The following AEBP2 variants were observed in gnomAD, a reference collection of about 807,000 sequenced individuals.
The protein encoded by AEBP2 is zinc finger protein AEBP2.
Under a neutral mutation model 50.8 loss-of-function variants are expected in AEBP2, and 10 were observed. The ratio of observed to expected loss-of-function variants is 0.20; its 90% confidence interval spans 0.12 to 0.33. AEBP2 has a LOEUF of 0.33. Among genes scored for constraint, AEBP2 ranks in the 10% least tolerant of loss-of-function variants. AEBP2 has a pLI of 1.00. For synonymous variants in AEBP2, 296 were observed against 261.3 expected (o/e 1.13, Z -1.28); for missense variants, 570 against 688.0 (o/e 0.83, Z 1.92).
At chr12:19,506,709 G>C (rs150229227) in intron 5 of AEBP2, among the ~76,000 whole-genome samples, 132 of 152,260 alleles carry the variant, frequency 8.7e-4, no homozygotes, top group African/African-American at 3.0e-3. Context: ...AGAAAGTCAG[G>C]GGTGAGAGTA....
intron 1 of AEBP2, among the ~76,000 whole-genome samples, chr12:19,457,850 C>A (rs544016912): frequency 1.3e-5 from 2 of 152,286 alleles, no homozygotes; most frequent in African/African-American, 4.8e-5. Context: ...GTTAATAATA[C>A]TGAATGCAGA....
rs1455641183 is a variant in AEBP2 at position 19,439,722 on chromosome 12, T to C, written c.23T>C (p.Met8Thr). ...GCCATGGCCGCCGCTATCACCGACA[T>C]GGCCGACCTGGAGGAGCTCTCCCGC... is the stretch of plus-strand genomic sequence containing the variant. MAAAITD[M>T]ADLEELSRLS... is the part of the protein sequence containing the mutation. Residue 8 changes from methionine to threonine, a missense_variant, in exon 1 of 8, where the codon ATG (methionine) becomes ACG (threonine). Met to Thr is a moderately conservative substitution (Grantham distance 81). Around this residue, in one of 2 missense-constraint regions of AEBP2, gnomAD observed 386 missense variants for 336.8 expected, o/e 1.15. Coordinates refer to ENST00000266508, the MANE Select transcript of AEBP2 (RefSeq NM_153207.5). 2.0e-6 allele frequency: 3 copies of C among 1,513,080 alleles called. No homozygotes were observed. The highest frequency in any genetic ancestry group is 1.2e-5 in the South Asian group (1 of 83,144). 93.7% of individuals were successfully genotyped at this position (1,513,080 alleles called of 1,614,324 possible).
intron 3 of AEBP2, among the ~76,000 whole-genome samples, chr12:19,476,338 G>A (rs75068435): frequency 0.067 from 10,233 of 151,974 alleles, 535 homozygotes; most frequent in East Asian, 0.16. Context: ...CCCACTTTAT[G>A]GTTTTTAGTT....
chr12:19,436,579 T>G (rs1297293363), upstream of AEBP2, among the ~76,000 whole-genome samples: 1 of 66,976 alleles, frequency 1.5e-5, no homozygotes, highest in African/African-American at 7.1e-5. Context: ...TGTTTTCTTT[T>G]CTTTTTTCTT....
chr12:19,449,985 T>C (rs1948138810), intron 1 of AEBP2, among the ~76,000 whole-genome samples: 1 of 152,170 alleles, frequency 6.6e-6, no homozygotes, highest in African/African-American at 2.4e-5. Context: ...AAGAAGGGCC[T>C]TAGGGAAATT....
At chr12:19,486,463 C>T (rs919673407) in intron 3 of AEBP2, among the ~76,000 whole-genome samples, 13 of 151,996 alleles carry the variant, frequency 8.6e-5, no homozygotes, top group African/African-American at 2.2e-4. Flanking sequence ...CTGATCTCTA[C>T]GCACTGCAGC....
rs1163340156 is a variant in AEBP2 at position 19,518,334 on chromosome 12, CCA to C, written c.*220_*221del. On this transcript the variant is annotated 3_prime_UTR_variant, in exon 8 of 8. Coordinates refer to ENST00000266508, the MANE Select transcript of AEBP2 (RefSeq NM_153207.5). ...AATATATTAATATATTACTGTATAT[CCA>C]CATTTTCATGGAATGGTACTGTGGG... is the stretch of plus-strand genomic sequence containing the variant. 8.0e-7 allele frequency: 1 copy of C among 1,247,842 alleles called. No homozygotes were observed. Among genetic ancestry groups the C allele is most frequent in the Non-Finnish European group, 1.0e-6 (1 of 996,402 alleles). 77.3% of individuals were successfully genotyped at this position (1,247,842 alleles called of 1,614,324 possible). A position where few individuals can be genotyped will look rare whatever the true frequency, so the allele number is the denominator to read the frequency against.
rs551974857 is a variant in AEBP2, at chr12:19,429,512, C to A, written c.-17+25296C>A. ...ATACCCAGTAATGGGATGGCTGGGT[C>A]AAATGGTATTTCTAGTTCTAGATCC... On this transcript the variant is annotated intron_variant, in intron 1 of 3. Transcript: ENST00000538425. Among the ~76,000 whole-genome samples the A allele has an allele frequency of 3.8e-3, 586 of 152,294 alleles. 4 individuals are homozygous for A. Among genetic ancestry groups the A allele is most frequent in the African/African-American group, 0.013 (559 of 41,576 alleles).
At chr12:19,456,341 C>A in intron 1 of AEBP2, 1 of 1,410,736 alleles carries the variant, frequency 7.1e-7, no homozygotes, top group Non-Finnish European at 9.9e-7. Flanking sequence ...CTGCAACTGT[C>A]TGTCTCATAT....
At chr12:19,447,653 G>GC (rs1202795747) in intron 1 of AEBP2, among the ~76,000 whole-genome samples, 11 of 149,918 alleles carry the variant, frequency 7.3e-5, no homozygotes, top group African/African-American at 2.7e-4. Flanking sequence ...GAGATGACAT[G>GC]CAAAGGGGTT....
chr12:19,431,304 C>G (rs892949484), intron 1 of AEBP2, among the ~76,000 whole-genome samples: 6 of 152,168 alleles, frequency 3.9e-5, no homozygotes, highest in African/African-American at 9.7e-5. Context: ...TTCTACCCTA[C>G]CTTCCCAGGG....
At chr12:19,477,417 A>G (rs937239837) in intron 3 of AEBP2, among the ~76,000 whole-genome samples, 8 of 152,172 alleles carry the variant, frequency 5.3e-5, no homozygotes, top group African/African-American at 1.9e-4. Context: ...TTCCCCGTTC[A>G]GTAGAATATG....
At chr12:19,405,598 A>G (rs1338939098) in intron 1 of AEBP2, among the ~76,000 whole-genome samples, 1 of 152,130 alleles carries the variant, frequency 6.6e-6, no homozygotes, top group African/African-American at 2.4e-5. Context: ...TCCTGGGATT[A>G]CAGGCGTGAT....
intron 3 of AEBP2, among the ~76,000 whole-genome samples, chr12:19,478,125 GA>G (rs1948677306): frequency 6.6e-6 from 1 of 152,116 alleles, no homozygotes; most frequent in Non-Finnish European, 1.5e-5. Flanking sequence ...TCTTTTCAAA[GA>G]ACCAGCTTGT....
intron 5 of AEBP2, 46 bp downstream of exon 5, chr12:19,500,267 A>T: frequency 7.3e-7 from 1 of 1,365,450 alleles, no homozygotes; most frequent in Non-Finnish European, 9.7e-7. Flanking sequence ...AACTTTGCAA[A>T]AAAATATTTC....
At chr12:19,488,453 G>T (rs12423803) in intron 3 of AEBP2, among the ~76,000 whole-genome samples, 1 of 152,032 alleles carries the variant, frequency 6.6e-6, no homozygotes, top group Non-Finnish European at 1.5e-5. Context: ...TGTGGTCATG[G>T]TCAGTGGCAG....
chr12:19,470,586 G>A (rs1948555962), intron 2 of AEBP2, among the ~76,000 whole-genome samples: 2 of 152,084 alleles, frequency 1.3e-5, no homozygotes, highest in Admixed American at 1.3e-4. Context: ...GAATCTGAAG[G>A]TGTTGCCTTA....
At chr12:19,425,534 G>C (rs556858899) in intron 1 of AEBP2, among the ~76,000 whole-genome samples, 10 of 152,198 alleles carry the variant, frequency 6.6e-5, no homozygotes, top group African/African-American at 2.4e-4. Context: ...GGGAAGGCAA[G>C]CTGGGTGGAT....
At position 19,439,666 on chromosome 12, in the gene AEBP2, G is replaced by GGGTA. The variant is rs1555180765; in HGVS notation, c.-32_-31insTAGG. 3 of 1,451,438 alleles carry GGGTA rather than the reference G, an allele frequency of 2.1e-6. No individual in the cohort carries two copies. In the African/African-American group the frequency reaches 4.5e-5, roughly 22 times the overall value. 89.9% of individuals were successfully genotyped at this position (1,451,438 alleles called of 1,614,324 possible). ...GAGTCGAGAGAGGGAGGCGGCGGTGGGGAGGAGGAGGAGGAGGAGGAGCAG... is the reference window on the plus strand; with the variant it reads ...GAGTCGAGAGAGGGAGGCGGCGGTGGGGTAGGAGGAGGAGGAGGAGGAGGAGCAG... On this transcript the variant is annotated 5_prime_UTR_variant, in exon 1 of 8. Coordinates refer to ENST00000266508, the MANE Select transcript of AEBP2 (RefSeq NM_153207.5).
Sources: allele counts gnomAD v4.1 joint callset (sites outside exome capture counted in the v4.1 genomes callset), GRCh38; gene constraint gnomAD v4.1.1; regional missense constraint gnomAD v4.1.1; transcripts MANE v1.5; gene names NCBI Gene and HGNC (gene_info 2026-07-23, HGNC 2026-07-21).